Variants in DLGAP1 observed in about 807,000 individuals in gnomAD.
The protein encoded by DLGAP1 is disks large-associated protein 1.
Under a neutral mutation model 90.8 loss-of-function variants are expected in DLGAP1, and 11 were observed. The observed-to-expected ratio is 0.12, with a 90% CI of 0.08 to 0.20. The LOEUF (loss-of-function observed/expected upper bound fraction) is 0.20. DLGAP1 is among the 10% of genes least tolerant of loss of function. The pLI is 1.00. For missense variants in DLGAP1, 1,050 were observed against 1,333.8 expected (o/e 0.79, Z 3.31); for synonymous variants, 558 against 540.7 (o/e 1.03, Z -0.44).
chr18:3,529,548 G>A (rs1414749651), intron 10 of DLGAP1, among the ~76,000 whole-genome samples: 1 of 152,164 alleles, frequency 6.6e-6, no homozygotes, highest in Non-Finnish European at 1.5e-5. Flanking sequence ...ATATTTCAAG[G>A]ACTCAAATAC....
intron 2 of DLGAP1, among the ~76,000 whole-genome samples, chr18:4,032,756 C>T (rs1479682626): frequency 1.3e-5 from 2 of 150,718 alleles, no homozygotes; most frequent in Admixed American, 6.6e-5. Context: ...GTACTCCCAT[C>T]ATATCCTGTA....
chr18:3,836,474 A>AT (rs1276279550), intron 4 of DLGAP1, among the ~76,000 whole-genome samples: 1 of 151,988 alleles, frequency 6.6e-6, no homozygotes, highest in Non-Finnish European at 1.5e-5. Context: ...ATGGGATTAG[A>AT]TTTTTTTTCT....
chr18:3,806,430 A>G (rs559655303), intron 5 of DLGAP1, among the ~76,000 whole-genome samples: 1 of 152,054 alleles, frequency 6.6e-6, no homozygotes, highest in Non-Finnish European at 1.5e-5. Context: ...TTTCTCTTCC[A>G]CTTGACTCTG....
At chr18:4,081,468 T>C (rs2075607415) in intron 2 of DLGAP1, among the ~76,000 whole-genome samples, 1 of 152,146 alleles carries the variant, frequency 6.6e-6, no homozygotes, top group Non-Finnish European at 1.5e-5. Flanking sequence ...CAGAAACTGA[T>C]ACCCCAAAAT....
At chr18:4,018,235 C>A (rs2074554153) in intron 2 of DLGAP1, among the ~76,000 whole-genome samples, 1 of 152,140 alleles carries the variant, frequency 6.6e-6, no homozygotes, top group African/African-American at 2.4e-5. Context: ...ACTATGACAG[C>A]AGTGAAGGAA....
intron 8 of DLGAP1, among the ~76,000 whole-genome samples, chr18:3,574,694 T>A (rs1427775745): frequency 6.6e-6 from 1 of 152,208 alleles, no homozygotes; most frequent in Non-Finnish European, 1.5e-5. Context: ...AATAAAGTCT[T>A]CAAGGCTTAA....
intron 5 of DLGAP1, among the ~76,000 whole-genome samples, chr18:3,765,364 T>C (rs1020318575): frequency 6.6e-6 from 1 of 150,796 alleles, no homozygotes; most frequent in Admixed American, 6.6e-5. Flanking sequence ...TCTCCTGACC[T>C]CATGATCTGC....
intron 1 of DLGAP1, among the ~76,000 whole-genome samples, chr18:4,198,846 C>A (rs1430006879): frequency 6.6e-6 from 1 of 152,126 alleles, no homozygotes; most frequent in Non-Finnish European, 1.5e-5. Flanking sequence ...CACTATAATC[C>A]TTTTAACAAT....
intron 1 of DLGAP1, among the ~76,000 whole-genome samples, chr18:4,348,314 A>G (rs1213576870): frequency 1.3e-5 from 2 of 151,942 alleles, no homozygotes; most frequent in Non-Finnish European, 2.9e-5. Context: ...TGTTAAAAAG[A>G]GGAGTTACAA....
chr18:3,808,048 A>T (rs2066649282), intron 5 of DLGAP1, among the ~76,000 whole-genome samples: 1 of 152,210 alleles, frequency 6.6e-6, no homozygotes, highest in Admixed American at 6.5e-5. Context: ...CAATGAAGGA[A>T]CATTTTTTTA....
intron 1 of DLGAP1, among the ~76,000 whole-genome samples, chr18:4,246,182 T>G (rs928258754): frequency 1.3e-5 from 2 of 152,078 alleles, no homozygotes; most frequent in Non-Finnish European, 2.9e-5. Flanking sequence ...AATTATAAAA[T>G]GTGGTAAAAT....
intron 2 of DLGAP1, among the ~76,000 whole-genome samples, chr18:4,034,037 C>CTT (rs1212913784): frequency 0.11 from 12,053 of 111,032 alleles, 1,186 homozygotes; most frequent in South Asian, 0.18. Context: ...GCGCCCGGCC[C>CTT]TTTTTTTTTT....
intron 1 of DLGAP1, among the ~76,000 whole-genome samples, chr18:4,211,000 A>G (rs550772147): frequency 3.9e-5 from 6 of 152,358 alleles, no homozygotes; most frequent in South Asian, 2.1e-4. Context: ...ATAATTACCC[A>G]TAAGTTTGAA....
intron 1 of DLGAP1, among the ~76,000 whole-genome samples, chr18:4,174,040 A>T (rs1037769894): frequency 6.6e-6 from 1 of 152,032 alleles, no homozygotes; most frequent in Non-Finnish European, 1.5e-5. Flanking sequence ...AACATCAGTG[A>T]TTCTCCTTGA....
At chr18:3,602,307 T>C (rs1339687932) in intron 7 of DLGAP1, among the ~76,000 whole-genome samples, 1 of 151,524 alleles carries the variant, frequency 6.6e-6, no homozygotes, top group African/African-American at 2.4e-5. Flanking sequence ...AAGAATAATC[T>C]TGTTTTGGCC....
At chr18:3,861,778 A>G (rs2070077878) in intron 4 of DLGAP1, among the ~76,000 whole-genome samples, 1 of 152,212 alleles carries the variant, frequency 6.6e-6, no homozygotes, top group African/African-American at 2.4e-5. Context: ...TGATGTTCCA[A>G]TCCTAAACAT....
In DLGAP1 at chr18:4,195,257, AAT is replaced by A. The variant is rs529202164; in HGVS notation, c.-266-43972_-266-43971del. 2.1e-3 allele frequency among the ~76,000 whole-genome samples: 323 copies of A among 152,288 alleles called. 2 individuals carry two copies. The highest frequency in any genetic ancestry group is 7.3e-3 in the African/African-American group (305 of 41,568). ...ATTCAAGATTCATGAGACACAGTAC[AAT>A]ATATGAGACTTTGAACTTTTTTTTT... On this transcript the variant is annotated intron_variant, in intron 1 of 12. Transcript: ENST00000315677.
At chr18:4,057,826 T>C (rs892857597) in intron 2 of DLGAP1, among the ~76,000 whole-genome samples, 1 of 152,218 alleles carries the variant, frequency 6.6e-6, no homozygotes, top group Non-Finnish European at 1.5e-5. Context: ...GACACCTCTA[T>C]GACTTGCCTT....
chr18:4,197,653 G>A (rs2144782174), intron 1 of DLGAP1, among the ~76,000 whole-genome samples: 1 of 152,316 alleles, frequency 6.6e-6, no homozygotes, highest in Middle Eastern at 3.4e-3. Flanking sequence ...ACAAAAGAGA[G>A]TAGGGACAGG....
Sources: allele counts gnomAD v4.1 joint callset (sites outside exome capture counted in the v4.1 genomes callset), GRCh38; gene constraint gnomAD v4.1.1; transcripts MANE v1.5; gene names NCBI Gene and HGNC (gene_info 2026-07-23, HGNC 2026-07-21).